The following CD302 variants were observed in gnomAD, a reference collection of about 807,000 sequenced individuals.
The protein encoded by CD302 is CD302 molecule, also known as CD302 antigen.
A neutral mutation model predicts 26.5 loss-of-function variants in CD302; 23 were observed. That is an observed-to-expected ratio of 0.87 (90% confidence interval 0.62 to 1.23). The LOEUF is 1.23. Ranked by LOEUF, CD302 falls within the 50% of genes most tolerant of loss-of-function variation. CD302 has a pLI of 0.00. For synonymous variants in CD302, 90 were observed against 99.4 expected, an observed-to-expected ratio of 0.91 and a Z score of 0.56; for missense variants, 290 against 275.5, an observed-to-expected ratio of 1.05 and a Z score of -0.37.
At chr2:159,791,293 T>G (rs1708801337) in intron 1 of CD302, among the ~76,000 whole-genome samples, 2 of 152,236 alleles carry the variant, frequency 1.3e-5, no homozygotes, top group African/African-American at 4.8e-5. Context: ...CAAATAGGCT[T>G]AGCGTTCATA....
intron 1 of CD302, among the ~76,000 whole-genome samples, chr2:159,786,208 C>A (rs1376026800): frequency 6.6e-6 from 1 of 152,114 alleles, no homozygotes; most frequent in Non-Finnish European, 1.5e-5. Context: ...TTAAAATATT[C>A]AGCTGAATGA....
chr2:159,791,582 C>A (rs1346013469), intron 1 of CD302, among the ~76,000 whole-genome samples: 1 of 152,152 alleles, frequency 6.6e-6, no homozygotes, highest in African/African-American at 2.4e-5. Flanking sequence ...ACAGCAGAGA[C>A]CATGTCTGAG....
intron 1 of CD302, among the ~76,000 whole-genome samples, chr2:159,787,966 G>A (rs1708710656): frequency 6.6e-6 from 1 of 152,170 alleles, no homozygotes. Flanking sequence ...AATTAGCTGG[G>A]TGTGGTGGCG....
At chr2:159,792,326 T>C (rs1160858459) in intron 1 of CD302, among the ~76,000 whole-genome samples, 1 of 152,144 alleles carries the variant, frequency 6.6e-6, no homozygotes, top group Non-Finnish European at 1.5e-5. Flanking sequence ...CAATGCTTCA[T>C]ACAATCCAGC....
intron 5 of CD302, among the ~76,000 whole-genome samples, chr2:159,776,011 A>AGTTTTTTTTTTTTTT (rs1342820508): frequency 7.6e-5 from 1 of 13,150 alleles, no homozygotes; most frequent in Non-Finnish European, 1.6e-4. Context: ...CCGGGTTTCA[A>AGTTTTTTTTTTTTTT]CTTTTTTTTT....
rs71406197 is a variant in CD302, at chr2:159,776,012, CT to C, written c.496+1925del. ...TGCAGCCTCTGCCTCCGGGTTTCAACTTTTTTTTTTTTTTTTTTAAAGTAGA... is the reference window on the plus strand; with the variant it reads ...TGCAGCCTCTGCCTCCGGGTTTCAACTTTTTTTTTTTTTTTTTAAAGTAGA... On this transcript the variant is annotated intron_variant, in intron 5 of 5. Transcript: ENST00000259053. Among the ~76,000 whole-genome samples the C allele has an allele frequency of 6.2e-3, 504 of 81,264 alleles. 18 individuals carry two copies. The highest frequency in any genetic ancestry group is 0.019 in the African/African-American group (443 of 23,236). The allele number at this position is 81,264 out of a possible 152,430, so 53.3% of individuals were successfully genotyped here. A position where few individuals can be genotyped will look rare whatever the true frequency, so the allele number is the denominator to read the frequency against.
chr2:159,775,432 T>G (rs1223749395), intron 5 of CD302, among the ~76,000 whole-genome samples: 1 of 152,184 alleles, frequency 6.6e-6, no homozygotes, highest in Non-Finnish European at 1.5e-5. Flanking sequence ...CTTATGTGTA[T>G]CTTTATTTTT....
At chr2:159,776,957 T>G (rs971389525) in intron 5 of CD302, among the ~76,000 whole-genome samples, 13 of 152,204 alleles carry the variant, frequency 8.5e-5, no homozygotes, top group African/African-American at 2.9e-4. Flanking sequence ...TATAGGCAAC[T>G]CAAAAAAAAT....
Position 159,769,887 on chromosome 2 carries a change from C to G in CD302, c.*1964G>C, listed in dbSNP as rs1190947820. 1 of 152,184 alleles carries G rather than the reference C, an allele frequency of 6.6e-6. No homozygotes were observed. Among genetic ancestry groups the G allele is most frequent in the Admixed American group, 6.5e-5 (1 of 15,276 alleles). 9.4% of individuals were successfully genotyped at this position (152,184 alleles called of 1,614,324 possible). A position where few individuals can be genotyped will look rare whatever the true frequency, so the allele number is the denominator to read the frequency against. On this transcript the variant is annotated 3_prime_UTR_variant, in exon 6 of 6. Coordinates refer to ENST00000259053, the MANE Select transcript of CD302 (RefSeq NM_014880.5). ...GTTCTATAATGTATGTTGCCCAGTACAGTAGCCACTAACCACCTGTGATTT... is the reference window on the plus strand; with the variant it reads ...GTTCTATAATGTATGTTGCCCAGTAGAGTAGCCACTAACCACCTGTGATTT...
At chr2:159,797,232 G>GA (rs1553796269) in intron 1 of CD302, among the ~76,000 whole-genome samples, 1 of 116,348 alleles carries the variant, frequency 8.6e-6, no homozygotes, top group African/African-American at 3.2e-5. Flanking sequence ...TGGGGGGGGG[G>GA]AATCTCTTGC....
chr2:159,772,142 A>G (rs1345226181), intron 5 of CD302, 89 bp from the exon 6 acceptor site: 2 of 1,416,782 alleles, frequency 1.4e-6, no homozygotes, highest in East Asian at 2.5e-5. Context: ...AGTTTTGTGT[A>G]AACATTTCTC....
rs1708390235 is a variant in CD302 at position 159,778,010 on chromosome 2, T to C, written c.470-46A>G. ...AAAATTAGAATTTAATTATGCTTTA[T>C]TATAGGATTGACTTTAAACATGTTC... On this transcript the variant is annotated intron_variant, in intron 4 of 5. Coordinates refer to ENST00000259053, the MANE Select transcript of CD302 (RefSeq NM_014880.5). 8 of 785,330 alleles carry C rather than the reference T, an allele frequency of 1.0e-5. No individual in the cohort carries two copies. The South Asian group carries it at 1.6e-4, about 15-fold the overall frequency. 48.6% of individuals were successfully genotyped at this position (785,330 alleles called of 1,614,324 possible).
chr2:159,793,062 C>T (rs1045304165), intron 1 of CD302, among the ~76,000 whole-genome samples: 6 of 152,198 alleles, frequency 3.9e-5, no homozygotes, highest in Admixed American at 3.9e-4. Context: ...TCGTCTTCAA[C>T]GCTAAGTATC....
intron 2 of CD302, among the ~76,000 whole-genome samples, chr2:159,782,594 G>A (rs1235744883): frequency 2.6e-5 from 4 of 151,388 alleles, no homozygotes; most frequent in East Asian, 3.9e-4. Flanking sequence ...AATAGCTAGC[G>A]CACGCCTGTA....
intron 5 of CD302, 50 bp from the exon 6 acceptor site, chr2:159,772,103 TGCAAGTATATTTTGATGA>T: frequency 6.3e-7 from 1 of 1,575,994 alleles, no homozygotes; most frequent in Non-Finnish European, 8.7e-7. Context: ...GTACACAAGT[TGCAAGTATATTTTGATGA>T]GCACAACTGT....
chr2:159,778,107 C>A (rs940347182), intron 4 of CD302, 143 bp from the exon 5 acceptor site: 4 of 324,726 alleles, frequency 1.2e-5, no homozygotes, highest in Non-Finnish European at 2.2e-5. Context: ...ATCCATATTT[C>A]TTTGCCTCAT....
intron 1 of CD302, among the ~76,000 whole-genome samples, chr2:159,783,885 C>T (rs1708590285): frequency 6.6e-6 from 1 of 152,102 alleles, no homozygotes; most frequent in Non-Finnish European, 1.5e-5. Context: ...TCAAATTATA[C>T]CTCCAAGAAC....
intron 1 of CD302, among the ~76,000 whole-genome samples, chr2:159,785,605 C>A (rs578203397): frequency 6.6e-6 from 1 of 152,208 alleles, no homozygotes; most frequent in Non-Finnish European, 1.5e-5. Flanking sequence ...GTATATGGAG[C>A]AGGTAGATCC....
At chr2:159,772,552 A>C (rs986054434) in intron 5 of CD302, among the ~76,000 whole-genome samples, 2 of 152,114 alleles carry the variant, frequency 1.3e-5, no homozygotes, top group South Asian at 4.2e-4. Context: ...GTGTTTCCCT[A>C]AATTTCTGTA....
Sources: allele counts gnomAD v4.1 joint callset (sites outside exome capture counted in the v4.1 genomes callset), GRCh38; gene constraint gnomAD v4.1.1; transcripts MANE v1.5; gene names NCBI Gene and HGNC (gene_info 2026-07-23, HGNC 2026-07-21).